LRRC75A: variants seen among roughly 807,000 people sequenced by gnomAD.
LRRC75A encodes leucine rich repeat containing 75A, also known as leucine-rich repeat-containing protein 75A.
In LRRC75A, 12 loss-of-function variants were observed where a neutral mutation model predicts 26.0. That is an observed-to-expected ratio of 0.46 (90% confidence interval 0.30 to 0.75). LRRC75A has a LOEUF of 0.75. LRRC75A is among the 30% of genes least tolerant of loss of function. The pLI is 0.08. For missense variants in LRRC75A, 410 were observed against 486.6 expected (o/e 0.84, Z 1.48); for synonymous variants, 223 against 219.3 (o/e 1.02, Z -0.15).
At position 16,443,665 on chromosome 17, in the gene LRRC75A, C is replaced by G. The variant is rs574857292; in HGVS notation, c.958G>C (p.Asp320His). 1 of 1,579,684 alleles carries G rather than the reference C, an allele frequency of 6.3e-7. No homozygotes were observed. Among genetic ancestry groups the G allele is most frequent in the African/African-American group, 1.4e-5 (1 of 74,046 alleles). Residue 320 changes from aspartate to histidine, a missense_variant, in exon 4 of 4, where the codon GAC becomes CAC. Asp to His is a moderately conservative substitution (Grantham distance 81). Coordinates refer to ENST00000470794, the MANE Select transcript of LRRC75A (RefSeq NM_001113567.3). The stretch of plus-strand genomic sequence containing the variant: ...GGTGCCACAGGGCCCCCTCCAGGGT[C>G]CTCCTGGCCTACTGTCCCTTCCCGG... The part of the protein sequence containing the change: ...EVREGTVGQE[D>H]PGGGPVAPAE...
At chr17:16,444,203 C>T (rs1568944490) in intron 3 of LRRC75A, 72 bp from the exon 4 acceptor site, 2 of 1,281,842 alleles carry the variant, frequency 1.6e-6, no homozygotes, top group East Asian at 4.8e-5. Flanking sequence ...GCAGTGCCAG[C>T]CTCTGCTCGG....
At chr17:16,483,744 T>G (rs1376194714) in intron 1 of LRRC75A, among the ~76,000 whole-genome samples, 1 of 152,158 alleles carries the variant, frequency 6.6e-6, no homozygotes, top group East Asian at 1.9e-4. Context: ...GCCTCCCTTC[T>G]GTGCCACGCT....
At chr17:16,452,933 G>C (rs1190478380) in intron 2 of LRRC75A, among the ~76,000 whole-genome samples, 3 of 152,032 alleles carry the variant, frequency 2.0e-5, no homozygotes, top group Non-Finnish European at 4.4e-5. Context: ...ACTTCCCAGG[G>C]TTTCCAAAAT....
At chr17:16,476,120 G>A (rs572856197) in intron 1 of LRRC75A, among the ~76,000 whole-genome samples, 12 of 152,262 alleles carry the variant, frequency 7.9e-5, no homozygotes, top group East Asian at 5.8e-4. Flanking sequence ...GCATGAATCC[G>A]GGAGGCGGAG....
chr17:16,454,638 C>A (rs955139092), intron 2 of LRRC75A, among the ~76,000 whole-genome samples: 3 of 152,004 alleles, frequency 2.0e-5, no homozygotes, highest in Non-Finnish European at 4.4e-5. Context: ...TTGAGGTGGG[C>A]CGAGATCACG....
At chr17:16,453,451 T>C (rs2093652411) in intron 2 of LRRC75A, among the ~76,000 whole-genome samples, 1 of 152,054 alleles carries the variant, frequency 6.6e-6, no homozygotes, top group East Asian at 1.9e-4. Flanking sequence ...TGGAAGTGTA[T>C]CTGCCACTAC....
chr17:16,474,942 A>G (rs1056425003), intron 1 of LRRC75A, among the ~76,000 whole-genome samples: 3 of 151,430 alleles, frequency 2.0e-5, no homozygotes, highest in African/African-American at 2.4e-5. Flanking sequence ...GCAGTGAGCC[A>G]AGATTGTGCC....
chr17:16,453,214 G>A lies in LRRC75A; in HGVS notation c.376-5254C>T, dbSNP rs373445095. Among the ~76,000 whole-genome samples the A allele has an allele frequency of 5.9e-5, 9 of 152,016 alleles. No homozygotes were observed. The East Asian group carries it at 1.4e-3, about 23-fold the overall frequency. ...TGTGGCAGGAGAATCGCTTGAACCC[G>A]GGAGGTGGAGGTTGCAGTGAGCCGA... On this transcript the variant is annotated intron_variant, in intron 2 of 3. Transcript: ENST00000470794.
chr17:16,466,859 T>G (rs1367544288), intron 1 of LRRC75A, among the ~76,000 whole-genome samples: 2 of 152,204 alleles, frequency 1.3e-5, no homozygotes, highest in Non-Finnish European at 2.9e-5. Context: ...ATGGCATTTC[T>G]CAAAGTGTGG....
chr17:16,488,375 C>G (rs1444172485), intron 1 of LRRC75A, among the ~76,000 whole-genome samples: 2 of 152,194 alleles, frequency 1.3e-5, no homozygotes, highest in African/African-American at 4.8e-5. Flanking sequence ...TAGATGGAAT[C>G]CAAAAAATTC....
chr17:16,485,669 T>TGTGTGTGTGTGTGTGTGTGTGTG (rs1555893680), intron 1 of LRRC75A, among the ~76,000 whole-genome samples: 7 of 114,330 alleles, frequency 6.1e-5, no homozygotes, highest in African/African-American at 1.2e-4. Context: ...TGTGTGTGTG[T>TGTGTGTGTGTGTGTGTGTGTGTG]TCGTGTGTGT....
chr17:16,449,221 C>T (rs1601084961), intron 2 of LRRC75A, among the ~76,000 whole-genome samples: 1 of 152,334 alleles, frequency 6.6e-6, no homozygotes, highest in East Asian at 1.9e-4. Context: ...GGAGTGGGTG[C>T]TCAACAGGCT....
intron 1 of LRRC75A, among the ~76,000 whole-genome samples, chr17:16,480,315 T>G (rs527492721): frequency 2.0e-3 from 302 of 152,258 alleles, no homozygotes; most frequent in Admixed American, 4.8e-3. Context: ...TCCAGGAAAC[T>G]GGTCCCTGGT....
At chr17:16,448,534 G>A (rs1180200743) in intron 2 of LRRC75A, among the ~76,000 whole-genome samples, 8 of 152,196 alleles carry the variant, frequency 5.3e-5, no homozygotes, top group Admixed American at 2.6e-4. Flanking sequence ...TGTCAGGCCC[G>A]TTGGCATCTG....
chr17:16,485,631 AGTGTGTGTGT>A (rs35125617), intron 1 of LRRC75A, among the ~76,000 whole-genome samples: 1,392 of 128,486 alleles, frequency 0.011, 33 homozygotes, highest in African/African-American at 0.041. Flanking sequence ...CAGGACAAGC[AGTGTGTGTGT>A]GTGTGTGTGT....
At chr17:16,458,962 G>A (rs2093706741) in intron 2 of LRRC75A, among the ~76,000 whole-genome samples, 1 of 152,208 alleles carries the variant, frequency 6.6e-6, no homozygotes, top group Admixed American at 6.5e-5. Context: ...AATGCAGCGT[G>A]GCTCTGGACC....
chr17:16,467,869 G>A (rs2093781335), intron 1 of LRRC75A, among the ~76,000 whole-genome samples: 2 of 152,040 alleles, frequency 1.3e-5, no homozygotes, highest in African/African-American at 2.4e-5. Flanking sequence ...GTCACCAAAG[G>A]GACATCTCAT....
intron 1 of LRRC75A, among the ~76,000 whole-genome samples, chr17:16,466,651 G>A (rs796644707): frequency 5.9e-5 from 9 of 152,250 alleles, no homozygotes; most frequent in South Asian, 2.1e-4. Flanking sequence ...GCCTGACACC[G>A]AGTCACTCTC....
chr17:16,485,681 T>TGC (rs1555893696), intron 1 of LRRC75A, among the ~76,000 whole-genome samples: 16 of 135,432 alleles, frequency 1.2e-4, no homozygotes, highest in African/African-American at 3.6e-4. Flanking sequence ...CGTGTGTGTG[T>TGC]GTGTGTGTGT....
Sources: allele counts gnomAD v4.1 joint callset (sites outside exome capture counted in the v4.1 genomes callset), GRCh38; gene constraint gnomAD v4.1.1; transcripts MANE v1.5; gene names NCBI Gene and HGNC (gene_info 2026-07-23, HGNC 2026-07-21).